Variants in KCND2 observed in about 807,000 individuals in gnomAD.
The protein encoded by KCND2 is A-type voltage-gated potassium channel KCND2.
Under a neutral mutation model 54.4 loss-of-function variants are expected in KCND2, and 16 were observed. The ratio of observed to expected loss-of-function variants is 0.29; its 90% confidence interval spans 0.20 to 0.45. KCND2 has a LOEUF of 0.45. Ranked by LOEUF, KCND2 falls within the 20% of genes least tolerant of loss-of-function variation. The pLI, the probability that KCND2 is intolerant of heterozygous loss-of-function variation, is 1.00. For synonymous variants in KCND2, 317 were observed against 310.7 expected (o/e 1.02, Z -0.21); for missense variants, 486 against 824.2 (o/e 0.59, Z 5.02).
Position 120,714,922 on chromosome 7 carries a change from A to G in KCND2, c.1116-17981A>G, listed in dbSNP as rs74894556. Among the ~76,000 whole-genome samples, 1,068 of 152,242 alleles carry G rather than the reference A, an allele frequency of 7.0e-3. 5 individuals carry two copies. The highest frequency in any genetic ancestry group is 0.011 in the Non-Finnish European group (775 of 68,008). On this transcript the variant is annotated intron_variant, in intron 1 of 5. Transcript: ENST00000331113. ...AATTAAATAAAATTTAAATCACAGA[A>G]TAACTTGTTGAAATACTAAATATAC...
intron 1 of KCND2, among the ~76,000 whole-genome samples, chr7:120,687,375 C>A (rs1265777495): frequency 6.6e-6 from 1 of 152,046 alleles, no homozygotes; most frequent in East Asian, 1.9e-4. Flanking sequence ...GGCAACAGTA[C>A]CGTATTGTAC....
intron 1 of KCND2, among the ~76,000 whole-genome samples, chr7:120,641,738 C>T (rs1400949454): frequency 6.9e-6 from 1 of 144,328 alleles, no homozygotes; most frequent in Non-Finnish European, 1.5e-5. Context: ...CTTATTAAAA[C>T]TTTTCCAAGC....
chr7:120,563,256 G>GA (rs1372270022), intron 1 of KCND2, among the ~76,000 whole-genome samples: 1 of 151,536 alleles, frequency 6.6e-6, no homozygotes, highest in Admixed American at 6.6e-5. Flanking sequence ...GAATAGTTTA[G>GA]AAAAAAAATA....
intron 1 of KCND2, among the ~76,000 whole-genome samples, chr7:120,507,896 A>T (rs887327797): frequency 2.1e-4 from 32 of 149,556 alleles, no homozygotes; most frequent in African/African-American, 6.8e-4. Flanking sequence ...GGCATTTCAT[A>T]AAAAAAAAGC....
intron 2 of KCND2, among the ~76,000 whole-genome samples, chr7:120,739,798 A>AACAC (rs10571787): frequency 0.075 from 10,841 of 143,966 alleles, 633 homozygotes; most frequent in East Asian, 0.32. Context: ...TAACAAAAGA[A>AACAC]ACACACACAC....
chr7:120,361,059 T>G (rs1039432280), intron 1 of KCND2, among the ~76,000 whole-genome samples: 1 of 152,088 alleles, frequency 6.6e-6, no homozygotes, highest in Non-Finnish European at 1.5e-5. Context: ...CTTTCAGTAC[T>G]GGTCCTTGTG....
intron 1 of KCND2, among the ~76,000 whole-genome samples, chr7:120,415,131 A>G (rs548496518): frequency 6.6e-6 from 1 of 152,320 alleles, no homozygotes; most frequent in Non-Finnish European, 1.5e-5. Context: ...GTTAGCTTTG[A>G]CAGGACTATC....
chr7:120,536,243 A>T (rs1791904815), intron 1 of KCND2, among the ~76,000 whole-genome samples: 2 of 152,108 alleles, frequency 1.3e-5, no homozygotes, highest in Admixed American at 1.3e-4. Context: ...TACCTTAATT[A>T]AAAAAATATA....
intron 1 of KCND2, among the ~76,000 whole-genome samples, chr7:120,631,738 T>C (rs2116515868): frequency 6.6e-6 from 1 of 152,276 alleles, no homozygotes; most frequent in African/African-American, 2.4e-5. Context: ...ATGTACATAA[T>C]TTATTTTATC....
At chr7:120,706,457 G>A (rs1220401814) in intron 1 of KCND2, among the ~76,000 whole-genome samples, 1 of 152,172 alleles carries the variant, frequency 6.6e-6, no homozygotes, top group Non-Finnish European at 1.5e-5. Flanking sequence ...CAGCAATTCT[G>A]TGTCTTCACA....
chr7:120,606,870 G>T (rs964415213), intron 1 of KCND2, among the ~76,000 whole-genome samples: 1 of 152,004 alleles, frequency 6.6e-6, no homozygotes, highest in Admixed American at 6.6e-5. Flanking sequence ...AATTATTTTG[G>T]CTATTCAGGG....
At chr7:120,377,172 T>G (rs1800844699) in intron 1 of KCND2, among the ~76,000 whole-genome samples, 1 of 151,932 alleles carries the variant, frequency 6.6e-6, no homozygotes, top group Non-Finnish European at 1.5e-5. Context: ...CTTCTAAAGC[T>G]GAAAGTAATA....
intron 1 of KCND2, among the ~76,000 whole-genome samples, chr7:120,656,856 G>T (rs1459394305): frequency 6.6e-6 from 1 of 152,100 alleles, no homozygotes; most frequent in Admixed American, 6.6e-5. Flanking sequence ...GAATGACTAG[G>T]AGGTGTATAA....
chr7:120,719,375 G>A (rs560985226), intron 1 of KCND2, among the ~76,000 whole-genome samples: 2 of 152,088 alleles, frequency 1.3e-5, no homozygotes, highest in African/African-American at 4.8e-5. Context: ...ACGCTAATAG[G>A]CTTTTACAAC....
At chr7:120,579,580 G>A (rs1792486288) in intron 1 of KCND2, among the ~76,000 whole-genome samples, 1 of 149,274 alleles carries the variant, frequency 6.7e-6, no homozygotes, top group Non-Finnish European at 1.5e-5. Flanking sequence ...CCAGCCTGGA[G>A]ACGGGGCGAG....
At chr7:120,540,920 A>G (rs903579494) in intron 1 of KCND2, among the ~76,000 whole-genome samples, 1 of 152,216 alleles carries the variant, frequency 6.6e-6, no homozygotes, top group Admixed American at 6.5e-5. Flanking sequence ...TACTGACTTG[A>G]TAGTTTCAGA....
intron 1 of KCND2, among the ~76,000 whole-genome samples, chr7:120,293,867 G>C (rs766486541): frequency 7.9e-5 from 12 of 151,836 alleles, no homozygotes; most frequent in Non-Finnish European, 1.0e-4. Flanking sequence ...ATTTATATTT[G>C]TCAAATAATT....
chr7:120,383,345 T>A (rs1800939413), intron 1 of KCND2, among the ~76,000 whole-genome samples: 1 of 152,012 alleles, frequency 6.6e-6, no homozygotes. Flanking sequence ...TATTTTCCAT[T>A]TGGCACCTTA....
At chr7:120,478,021 A>G (rs1584795096) in intron 1 of KCND2, among the ~76,000 whole-genome samples, 1 of 152,210 alleles carries the variant, frequency 6.6e-6, no homozygotes, top group South Asian at 2.1e-4. Context: ...AATGCTAACA[A>G]TGTAATAAAG....
Sources: gnomAD v4.1 joint callset for allele counts (sites outside exome capture counted in the v4.1 genomes callset) on GRCh38, gnomAD v4.1.1 for gene constraint, MANE v1.5 for transcripts, NCBI Gene and HGNC (gene_info 2026-07-23, HGNC 2026-07-21) for gene names.